Variants in MYT1L observed in about 807,000 individuals in gnomAD.
MYT1L encodes myelin transcription factor 1 like.
A neutral mutation model predicts 126.7 loss-of-function variants in MYT1L; 12 were observed. That is an observed-to-expected ratio of 0.09 (90% confidence interval 0.06 to 0.15). The LOEUF (loss-of-function observed/expected upper bound fraction) is 0.15. Among genes scored for constraint, MYT1L ranks in the 10% least tolerant of loss-of-function variants. The pLI is 1.00. For synonymous variants in MYT1L, 541 were observed against 604.2 expected (o/e 0.90, Z 1.53); for missense variants, 979 against 1,585.2 (o/e 0.62, Z 6.49).
chr2:1,887,030 A>G lies in MYT1L; in HGVS notation c.2643-423T>C. On this transcript the variant is annotated intron_variant, in intron 17 of 24. Coordinates refer to ENST00000647738, the MANE Select transcript of MYT1L (RefSeq NM_001303052.2). This position sits in a 1 kb window ranked among gnomAD's most constrained non-coding sequence, Gnocchi z 4.8. ...TGAAAACAATAAATTGAAAAGACAG[A>G]ATCCACCATGAGAAAAATGAAGTCA... The G allele has an allele frequency of 2.5e-6, 1 of 406,752 alleles. No individual in the cohort carries two copies. The highest frequency in any genetic ancestry group is 1.2e-4 in the South Asian group (1 of 8,638). The allele number at this position is 406,752 out of a possible 1,614,324, so 25.2% of individuals were successfully genotyped here. A position where few individuals can be genotyped will look rare whatever the true frequency, so the allele number is the denominator to read the frequency against.
chr2:2,308,003 C>T (rs374887566), intron 1 of MYT1L, among the ~76,000 whole-genome samples: 66 of 151,862 alleles, frequency 4.3e-4, no homozygotes, highest in South Asian at 1.0e-3. Flanking sequence ...ACTCCACCTA[C>T]GCTTCAGTAC....
intron 2 of MYT1L, among the ~76,000 whole-genome samples, chr2:2,263,077 C>T (rs2095029534): frequency 6.6e-6 from 1 of 150,654 alleles, no homozygotes; most frequent in Non-Finnish European, 1.5e-5. Flanking sequence ...ATATAAAACA[C>T]ATTGAAACTA....
intron 18 of MYT1L, chr2:1,885,083 C>T (rs2048009230): frequency 6.6e-6 from 1 of 152,230 alleles, no homozygotes. Context: ...GTTTTCCTGT[C>T]TACAGCTGGC....
At chr2:1,957,069 C>G (rs910166637) in intron 8 of MYT1L, among the ~76,000 whole-genome samples, 4 of 152,168 alleles carry the variant, frequency 2.6e-5, no homozygotes, top group African/African-American at 9.7e-5. Context: ...CAGTTTCTAA[C>G]CAGAGGTGTA....
At chr2:2,330,166 T>C (rs948884694) in intron 1 of MYT1L, among the ~76,000 whole-genome samples, 23 of 152,088 alleles carry the variant, frequency 1.5e-4, no homozygotes, top group African/African-American at 5.5e-4. Flanking sequence ...TAATTTTGTT[T>C]AGTAGAAAAT....
Position 1,910,450 on chromosome 2 carries a change from G to A in MYT1L, c.1710-103C>T. 9.3e-7 allele frequency: 1 copy of A among 1,075,866 alleles called. No homozygotes were observed. 66.6% of individuals were successfully genotyped at this position (1,075,866 alleles called of 1,614,324 possible). On this transcript the variant is annotated intron_variant, in intron 12 of 24. Transcript: ENST00000647738. The surrounding 1 kb of genome is among the most constrained non-coding windows in gnomAD (Gnocchi z 4.8). ...ACCCTGATGCAGGTGGAGCTGGTGA[G>A]GGAGGGGTAGTTTCCCAAACCTGGC...
At chr2:1,944,528 G>C (rs1311494556) in intron 8 of MYT1L, among the ~76,000 whole-genome samples, 2 of 151,884 alleles carry the variant, frequency 1.3e-5, no homozygotes, top group East Asian at 3.9e-4. Context: ...GAGAGGTGTG[G>C]CCTCTCTCAC....
At chr2:2,273,036 G>A (rs1249582728) in intron 2 of MYT1L, among the ~76,000 whole-genome samples, 3 of 152,042 alleles carry the variant, frequency 2.0e-5, no homozygotes, top group Admixed American at 6.5e-5. Context: ...GAGCTCTCAG[G>A]GGCCTGTGCC....
chr2:1,863,880 G>T (rs1034393828), intron 18 of MYT1L, among the ~76,000 whole-genome samples: 7 of 152,194 alleles, frequency 4.6e-5, no homozygotes, highest in Non-Finnish European at 1.0e-4. Flanking sequence ...TAAATGTCTT[G>T]GGACTCCCTC....
chr2:1,877,147 T>C (rs1306745510), intron 18 of MYT1L, among the ~76,000 whole-genome samples: 1 of 152,228 alleles, frequency 6.6e-6, no homozygotes, highest in Non-Finnish European at 1.5e-5. Flanking sequence ...TGGTTGCAGC[T>C]GCATAGGTGA....
chr2:2,317,875 C>A (rs1332687733), intron 1 of MYT1L, among the ~76,000 whole-genome samples: 1 of 152,088 alleles, frequency 6.6e-6, no homozygotes, highest in African/African-American at 2.4e-5. Context: ...AATCTAAGAG[C>A]AGGTGCCAAG....
chr2:2,037,440 T>C lies in MYT1L; in HGVS notation c.-158+16538A>G, dbSNP rs1294455279. Among the ~76,000 whole-genome samples the C allele has an allele frequency of 3.3e-5, 5 of 150,990 alleles. No individual in the cohort carries two copies. The East Asian group carries it at 9.7e-4, about 29-fold the overall frequency. ...CAGGAAAACAAGTAATCAGATTCAGTTGATTTTTTTTTTTTTTTTAAACTG... is the reference window on the plus strand; with the variant it reads ...CAGGAAAACAAGTAATCAGATTCAGCTGATTTTTTTTTTTTTTTTAAACTG... On this transcript the variant is annotated intron_variant, in intron 4 of 24. Coordinates refer to ENST00000647738, the MANE Select transcript of MYT1L (RefSeq NM_001303052.2).
intron 10 of MYT1L, among the ~76,000 whole-genome samples, chr2:1,921,054 G>T (rs970507236): frequency 6.6e-6 from 1 of 152,192 alleles, no homozygotes; most frequent in South Asian, 2.1e-4. Flanking sequence ...GAGAATACAC[G>T]TCTGTGCCAC....
intron 2 of MYT1L, among the ~76,000 whole-genome samples, chr2:2,273,206 G>A (rs576706491): frequency 5.9e-5 from 9 of 152,192 alleles, no homozygotes; most frequent in East Asian, 3.9e-4. Context: ...ATTTACTATC[G>A]CAGGACCTTT....
chr2:2,293,965 C>CG (rs948106654), intron 1 of MYT1L, among the ~76,000 whole-genome samples: 6 of 152,052 alleles, frequency 3.9e-5, no homozygotes, highest in African/African-American at 1.2e-4. Context: ...GCCACCAGCA[C>CG]GGGGGGCAGG....
intron 22 of MYT1L, among the ~76,000 whole-genome samples, chr2:1,808,286 A>G (rs927240049): frequency 2.0e-5 from 3 of 152,192 alleles, no homozygotes; most frequent in African/African-American, 7.2e-5. Context: ...AGTCACAACC[A>G]TGACTCCTGT....
intron 21 of MYT1L, chr2:1,826,236 C>G (rs937607730): frequency 2.0e-5 from 3 of 152,302 alleles, no homozygotes; most frequent in Non-Finnish European, 4.4e-5. Context: ...CTTTGGAGAA[C>G]AAACTAGAAG....
At chr2:1,807,360 C>T (rs967726024) in intron 22 of MYT1L, among the ~76,000 whole-genome samples, 1 of 152,134 alleles carries the variant, frequency 6.6e-6, no homozygotes, top group African/African-American at 2.4e-5. Context: ...GTGGCTGTGG[C>T]CAGGGGCTTC....
intron 8 of MYT1L, among the ~76,000 whole-genome samples, chr2:1,965,916 C>T (rs1459986236): frequency 1.3e-5 from 2 of 152,238 alleles, no homozygotes; most frequent in African/African-American, 4.8e-5. Context: ...GCCAAGCACC[C>T]GTGTGAGACA....
Sources: gnomAD v4.1 joint callset for allele counts (sites outside exome capture counted in the v4.1 genomes callset) on GRCh38, gnomAD v4.1.1 for gene constraint, Gnocchi (gnomAD v3.1) non-coding constraint, MANE v1.5 for transcripts, NCBI Gene and HGNC (gene_info 2026-07-23, HGNC 2026-07-21) for gene names.